The following MARCHF1 variants were observed in gnomAD, a reference collection of about 807,000 sequenced individuals.
MARCHF1 encodes the protein membrane associated ring-CH-type finger 1, also known as E3 ubiquitin-protein ligase MARCHF1.
A neutral mutation model predicts 54.2 loss-of-function variants in MARCHF1; 40 were observed. That is an observed-to-expected ratio of 0.74 (90% CI 0.57 to 0.96). The LOEUF is 0.96. Among genes scored for constraint, MARCHF1 ranks in the 40% least tolerant of loss-of-function variants. MARCHF1 has a pLI of 0.00. For synonymous variants in MARCHF1, 236 were observed against 236.3 expected (o/e 1.00, Z 0.01); for missense variants, 586 against 656.5 (o/e 0.89, Z 1.17).
At chr4:164,356,427 T>C (rs1730539105) in intron 1 of MARCHF1, among the ~76,000 whole-genome samples, 1 of 133,190 alleles carries the variant, frequency 7.5e-6, no homozygotes, top group Non-Finnish European at 1.7e-5. Context: ...CATGGAATAC[T>C]ATGCAGCCAT....
At chr4:163,755,390 C>T (rs1746636501) in intron 4 of MARCHF1, among the ~76,000 whole-genome samples, 1 of 152,142 alleles carries the variant, frequency 6.6e-6, no homozygotes, top group South Asian at 2.1e-4. Flanking sequence ...TTTCTCATAG[C>T]AGGTAAAGCC....
At chr4:163,594,512 ACACACACAAACT>A (rs1317650866) in intron 7 of MARCHF1, among the ~76,000 whole-genome samples, 2 of 151,894 alleles carry the variant, frequency 1.3e-5, no homozygotes, top group Non-Finnish European at 2.9e-5. Context: ...ACACACAAAC[ACACACACAAACT>A]AACTTTAATT....
chr4:163,906,141 G>C (rs1045183012), intron 3 of MARCHF1, among the ~76,000 whole-genome samples: 3 of 151,982 alleles, frequency 2.0e-5, no homozygotes, highest in Non-Finnish European at 2.9e-5. Flanking sequence ...AGTTTATTTA[G>C]TACAGAAGTG....
intron 1 of MARCHF1, among the ~76,000 whole-genome samples, chr4:164,145,453 A>G (rs1321865373): frequency 1.3e-5 from 2 of 152,054 alleles, no homozygotes; most frequent in Admixed American, 1.3e-4. Flanking sequence ...ATCCAGCAGC[A>G]CATCAAAAAG....
intron 5 of MARCHF1, among the ~76,000 whole-genome samples, chr4:163,687,989 T>C (rs1475512733): frequency 1.3e-5 from 2 of 152,172 alleles, no homozygotes; most frequent in Non-Finnish European, 2.9e-5. Context: ...CCCAATTGGG[T>C]AGTTAATGTC....
intron 4 of MARCHF1, among the ~76,000 whole-genome samples, chr4:163,758,032 A>C (rs1746728372): frequency 6.6e-6 from 1 of 152,238 alleles, no homozygotes; most frequent in Admixed American, 6.5e-5. Flanking sequence ...ATGGAAATAA[A>C]ATACCAGTTA....
intron 1 of MARCHF1, among the ~76,000 whole-genome samples, chr4:164,293,868 G>A (rs1205843266): frequency 1.3e-5 from 2 of 152,154 alleles, no homozygotes; most frequent in Non-Finnish European, 2.9e-5. Context: ...ATTGAAGGAT[G>A]CAAAGTTTCA....
At chr4:163,903,341 G>T (rs868363362) in intron 3 of MARCHF1, among the ~76,000 whole-genome samples, 27 of 152,124 alleles carry the variant, frequency 1.8e-4, no homozygotes, top group African/African-American at 6.5e-4. Context: ...CTTATCTCAA[G>T]ATATCTCTAT....
intron 5 of MARCHF1, among the ~76,000 whole-genome samples, chr4:163,632,270 G>T (rs191238591): frequency 2.0e-5 from 3 of 152,132 alleles, no homozygotes; most frequent in Non-Finnish European, 4.4e-5. Context: ...GAACAGCTCC[G>T]GTCTACAGCT....
chr4:163,965,319 C>T (rs1010252144), intron 3 of MARCHF1, among the ~76,000 whole-genome samples: 2 of 151,966 alleles, frequency 1.3e-5, no homozygotes, highest in Non-Finnish European at 2.9e-5. Context: ...TTGTGCCAGA[C>T]GTCCACTACT....
chr4:163,569,799 C>T (rs1354486276), intron 8 of MARCHF1, among the ~76,000 whole-genome samples: 1 of 152,092 alleles, frequency 6.6e-6, no homozygotes, highest in Non-Finnish European at 1.5e-5. Context: ...TTGAATGCAT[C>T]TGTACAATGA....
At chr4:163,717,013 T>C (rs953995360) in intron 4 of MARCHF1, among the ~76,000 whole-genome samples, 3 of 152,224 alleles carry the variant, frequency 2.0e-5, no homozygotes, top group African/African-American at 7.2e-5. Context: ...ATTTTTATTA[T>C]ACTTTAAGTT....
intron 1 of MARCHF1, among the ~76,000 whole-genome samples, chr4:164,210,227 G>A (rs184872914): frequency 1.9e-4 from 29 of 152,206 alleles, no homozygotes; most frequent in Admixed American, 7.8e-4. Context: ...GAGAGACTTC[G>A]GATCATTTAT....
chr4:163,908,790 T>TA (rs1380564901), intron 3 of MARCHF1, among the ~76,000 whole-genome samples: 4 of 152,110 alleles, frequency 2.6e-5, no homozygotes, highest in Non-Finnish European at 5.9e-5. Flanking sequence ...CGACACAAAA[T>TA]ATTACAAGTT....
rs546606794 is a variant in MARCHF1 at position 163,900,814 on chromosome 4, G to C, written c.-38-46645C>G. 3.9e-5 allele frequency among the ~76,000 whole-genome samples: 6 copies of C among 152,064 alleles called. No homozygotes were observed. The East Asian group carries it at 7.7e-4, about 20-fold the overall frequency. On this transcript the variant is annotated intron_variant, in intron 3 of 9. Transcript: ENST00000514618. ...GAATATTGACATGCTAGTTCTTACA[G>C]TACTTTCAAAAAAAGGTAGCCATAT...
intron 1 of MARCHF1, among the ~76,000 whole-genome samples, chr4:164,375,003 A>G (rs1731146911): frequency 6.6e-6 from 1 of 152,170 alleles, no homozygotes; most frequent in Non-Finnish European, 1.5e-5. Context: ...AAAATTGCTA[A>G]GAAATGTTAA....
chr4:164,270,409 CTG>C (rs751589972), intron 1 of MARCHF1, among the ~76,000 whole-genome samples: 25 of 152,170 alleles, frequency 1.6e-4, no homozygotes, highest in Non-Finnish European at 3.4e-4. Context: ...CCTTGACAAA[CTG>C]TAAATATACA....
chr4:163,649,663 A>C (rs976835488), intron 5 of MARCHF1, among the ~76,000 whole-genome samples: 7 of 151,770 alleles, frequency 4.6e-5, no homozygotes, highest in African/African-American at 9.7e-5. Flanking sequence ...AGAACACACA[A>C]AAAAAACCGC....
intron 1 of MARCHF1, among the ~76,000 whole-genome samples, chr4:164,327,448 T>C (rs1055976703): frequency 1.4e-4 from 22 of 152,188 alleles, no homozygotes; most frequent in Middle Eastern, 3.4e-3. Flanking sequence ...GGAGCTAAAG[T>C]CGGGGCAAGG....
Sources: allele counts gnomAD v4.1 joint callset (sites outside exome capture counted in the v4.1 genomes callset), GRCh38; gene constraint gnomAD v4.1.1; transcripts MANE v1.5; gene names NCBI Gene and HGNC (gene_info 2026-07-23, HGNC 2026-07-21).